TMED10: variants seen among roughly 807,000 people sequenced by gnomAD.
The protein encoded by TMED10 is transmembrane p24 trafficking protein 10, also known as transmembrane emp24 domain-containing protein 10.
Under a neutral mutation model 23.1 loss-of-function variants are expected in TMED10, and 7 were observed. The observed-to-expected ratio is 0.30, with a 90% CI of 0.17 to 0.57. The LOEUF (loss-of-function observed/expected upper bound fraction) is 0.57. Among genes scored for constraint, TMED10 ranks in the 20% least tolerant of loss-of-function variants. TMED10 has a pLI of 0.91. For synonymous variants in TMED10, 113 were observed against 106.9 expected (o/e 1.06, Z -0.35); for missense variants, 162 against 274.8 (o/e 0.59, Z 2.90).
chr14:75,172,869 A>G (rs1414952462), intron 1 of TMED10, among the ~76,000 whole-genome samples: 1 of 152,174 alleles, frequency 6.6e-6, no homozygotes, highest in Non-Finnish European at 1.5e-5. Flanking sequence ...TCAATGCCCG[A>G]ACCAATCTGA....
At chr14:75,143,070 G>A (rs1441797623) in intron 3 of TMED10, among the ~76,000 whole-genome samples, 2 of 152,078 alleles carry the variant, frequency 1.3e-5, no homozygotes, top group Non-Finnish European at 2.9e-5. Flanking sequence ...TGTTGGCCAA[G>A]TTGGTCTTGA....
rs565700901 is a variant in TMED10 at position 75,136,482 on chromosome 14, T to C, written c.412-596A>G. 5.3e-5 allele frequency among the ~76,000 whole-genome samples: 8 copies of C among 152,310 alleles called. No homozygotes were observed. The East Asian group carries it at 1.5e-3, about 29-fold the overall frequency. Reference sequence around the variant, plus strand: ...CTGATTTTTGACTTTAGTAAAGCACTTTACTTTGCACTTCCACTCATGTCT... The same window carrying C: ...CTGATTTTTGACTTTAGTAAAGCACCTTACTTTGCACTTCCACTCATGTCT... On this transcript the variant is annotated intron_variant, in intron 3 of 4. Transcript: ENST00000303575.
At chr14:75,156,905 T>C (rs1175617249) in intron 1 of TMED10, among the ~76,000 whole-genome samples, 1 of 71,836 alleles carries the variant, frequency 1.4e-5, no homozygotes, top group Non-Finnish European at 3.0e-5. Context: ...AGAGCAAGAC[T>C]CCGTCTCAAA....
intron 3 of TMED10, among the ~76,000 whole-genome samples, chr14:75,146,164 C>T (rs1338864605): frequency 6.6e-6 from 1 of 152,146 alleles, no homozygotes; most frequent in Non-Finnish European, 1.5e-5. Context: ...AATTCTCTAC[C>T]GGAAACTGTC....
chr14:75,147,039 T>TA (rs1310304444), intron 3 of TMED10, among the ~76,000 whole-genome samples: 1 of 152,152 alleles, frequency 6.6e-6, no homozygotes, highest in Non-Finnish European at 1.5e-5. Context: ...ATTCCAGCTT[T>TA]AAAAAATTTA....
At chr14:75,144,807 G>A (rs1447301149) in intron 3 of TMED10, among the ~76,000 whole-genome samples, 2 of 152,140 alleles carry the variant, frequency 1.3e-5, no homozygotes, top group East Asian at 1.9e-4. Context: ...ACAGGTACCC[G>A]CCACCATGCC....
rs1895728374 is a variant in TMED10 at position 75,134,853 on chromosome 14, G to A, written c.*32C>T. Reference sequence around the variant, plus strand: ...TCCCAGCGATGTTCTGCTGGCTGAGGTACAAGGTGGGAGGAGAATATGCCT... The same window carrying A: ...TCCCAGCGATGTTCTGCTGGCTGAGATACAAGGTGGGAGGAGAATATGCCT... On this transcript the variant is annotated 3_prime_UTR_variant, in exon 5 of 5. Transcript: ENST00000303575. The A allele has an allele frequency of 6.2e-7, 1 of 1,612,472 alleles. No homozygotes were observed. The highest frequency in any genetic ancestry group is 8.5e-7 in the Non-Finnish European group (1 of 1,179,044).
chr14:75,155,492 T>A (rs2139846929), intron 1 of TMED10, among the ~76,000 whole-genome samples: 1 of 152,374 alleles, frequency 6.6e-6, no homozygotes, highest in East Asian at 1.9e-4. Flanking sequence ...AATATGTTAA[T>A]TAGCTTGATT....
Position 75,176,499 on chromosome 14 carries a change from T to C in TMED10, c.81A>G (p.Arg27=). 1 of 1,614,082 alleles carries C rather than the reference T, an allele frequency of 6.2e-7. No homozygotes were observed. Among genetic ancestry groups the C allele is most frequent in the Non-Finnish European group, 8.5e-7 (1 of 1,180,020 alleles). The change falls in exon 1 of 5, where the codon AGA becomes AGG. Residue 27 remains arginine, a synonymous_variant. Coordinates refer to ENST00000303575, the MANE Select transcript of TMED10 (RefSeq NM_006827.6). ...GATGGAAGGAGATGGCAAGGACCAA[T>C]CTGGGGCCGAGCAGGAACAAAAGCA... The part of the protein sequence containing the change: ...ALLLLFLLGP[R]LVLAISFHLP...
chr14:75,141,318 G>A (rs906580397), intron 3 of TMED10, among the ~76,000 whole-genome samples: 2 of 152,146 alleles, frequency 1.3e-5, no homozygotes, highest in Admixed American at 6.5e-5. Context: ...GAATAGTCTA[G>A]ACATAAGTAG....
chr14:75,140,971 A>T (rs1895815024), intron 3 of TMED10, among the ~76,000 whole-genome samples: 1 of 152,334 alleles, frequency 6.6e-6, no homozygotes, highest in Admixed American at 6.5e-5. Flanking sequence ...AAACAAATAT[A>T]AAAAAGTTTC....
At chr14:75,161,868 T>C (rs1896089240) in intron 1 of TMED10, among the ~76,000 whole-genome samples, 1 of 149,710 alleles carries the variant, frequency 6.7e-6, no homozygotes, top group South Asian at 2.1e-4. Context: ...AAAATAACAC[T>C]ATCCACCCAG....
intron 4 of TMED10, 123 bp downstream of exon 4, chr14:75,135,636 CA>C: frequency 1.5e-6 from 2 of 1,356,982 alleles, no homozygotes; most frequent in Non-Finnish European, 2.0e-6. Context: ...AACAGCGAAG[CA>C]AGCAATTTCC....
At chr14:75,146,510 T>C (rs1895884617) in intron 3 of TMED10, among the ~76,000 whole-genome samples, 1 of 152,210 alleles carries the variant, frequency 6.6e-6, no homozygotes. Flanking sequence ...TACTGTTTTG[T>C]TGGGTAAAAA....
intron 3 of TMED10, among the ~76,000 whole-genome samples, chr14:75,142,199 G>C (rs779406576): frequency 6.6e-6 from 1 of 152,132 alleles, no homozygotes; most frequent in African/African-American, 2.4e-5. Flanking sequence ...TCTCCAATAG[G>C]GGGTGATATC....
At chr14:75,166,912 G>T (rs1454389591) in intron 1 of TMED10, among the ~76,000 whole-genome samples, 1 of 150,808 alleles carries the variant, frequency 6.6e-6, no homozygotes, top group African/African-American at 2.4e-5. Context: ...GGTTCATTTC[G>T]ATGACTGAGC....
intron 1 of TMED10, among the ~76,000 whole-genome samples, chr14:75,160,026 C>A (rs766267125): frequency 6.6e-6 from 1 of 152,152 alleles, no homozygotes; most frequent in African/African-American, 2.4e-5. Flanking sequence ...AAGGCCTCCA[C>A]ATGTCTACAC....
chr14:75,160,556 T>C (rs1217048491), intron 1 of TMED10, among the ~76,000 whole-genome samples: 3 of 152,124 alleles, frequency 2.0e-5, no homozygotes, highest in East Asian at 1.9e-4. Flanking sequence ...CCTACTATAA[T>C]AGCAAGACCT....
At chr14:75,147,276 C>T (rs1202564282) in intron 3 of TMED10, among the ~76,000 whole-genome samples, 1 of 151,046 alleles carries the variant, frequency 6.6e-6, no homozygotes, top group Non-Finnish European at 1.5e-5. Flanking sequence ...GCAGCCTCTG[C>T]CCCCCAGGTT....
Sources: allele counts gnomAD v4.1 joint callset (sites outside exome capture counted in the v4.1 genomes callset), GRCh38; gene constraint gnomAD v4.1.1; transcripts MANE v1.5; gene names NCBI Gene and HGNC (gene_info 2026-07-23, HGNC 2026-07-21).